KHDRBS2: variants seen among roughly 807,000 people sequenced by gnomAD.
KHDRBS2 encodes the protein KH domain-containing, RNA-binding, signal transduction-associated protein 2.
A neutral mutation model predicts 44.3 loss-of-function variants in KHDRBS2; 26 were observed. The observed-to-expected ratio is 0.59, with a 90% CI of 0.43 to 0.81. The LOEUF (loss-of-function observed/expected upper bound fraction) is 0.81, where lower values mean the gene tolerates loss of function less well. KHDRBS2 is among the 40% of genes least tolerant of loss of function. KHDRBS2 has a pLI of 0.00. For missense variants in KHDRBS2, 476 were observed against 433.1 expected (o/e 1.10, Z -0.88); for synonymous variants, 194 against 151.1 (o/e 1.28, Z -2.08).
intron 1 of KHDRBS2, among the ~76,000 whole-genome samples, chr6:62,197,694 C>G (rs919172398): frequency 1.3e-5 from 2 of 152,104 alleles, no homozygotes; most frequent in African/African-American, 4.8e-5. Flanking sequence ...AGAAAGTTAA[C>G]AAGGATATCC....
chr6:62,080,459 T>C (rs899975493), intron 2 of KHDRBS2, among the ~76,000 whole-genome samples: 1 of 152,120 alleles, frequency 6.6e-6, no homozygotes, highest in African/African-American at 2.4e-5. Context: ...TGGGGATTGA[T>C]TTAGAGATAA....
At chr6:62,102,784 C>T (rs936327559) in intron 2 of KHDRBS2, among the ~76,000 whole-genome samples, 8 of 152,250 alleles carry the variant, frequency 5.3e-5, no homozygotes, top group African/African-American at 1.4e-4. Context: ...CTCCTGCAAT[C>T]TGGGAGTGTG....
intron 2 of KHDRBS2, among the ~76,000 whole-genome samples, chr6:62,078,253 A>T (rs1427976535): frequency 6.6e-6 from 1 of 152,056 alleles, no homozygotes; most frequent in African/African-American, 2.4e-5. Context: ...GGATCTTATG[A>T]TCAATATCAT....
the KHDRBS2 span, among the ~76,000 whole-genome samples, chr6:61,638,556 G>A: frequency 2.6e-4 from 40 of 151,982 alleles, no homozygotes; most frequent in African/African-American, 8.0e-4. Context: ...TAAAAACCCT[G>A]GAAGAAAACC....
intron 6 of KHDRBS2, among the ~76,000 whole-genome samples, chr6:61,737,822 T>C (rs1387067341): frequency 1.3e-5 from 2 of 151,984 alleles, no homozygotes; most frequent in Non-Finnish European, 2.9e-5. Context: ...ATGGAATGTT[T>C]TACATAATAC....
At chr6:61,898,049 TATC>T (rs1231952266) in intron 5 of KHDRBS2, among the ~76,000 whole-genome samples, 18 of 152,246 alleles carry the variant, frequency 1.2e-4, no homozygotes, top group Admixed American at 7.9e-4. Context: ...AAATTAGAGT[TATC>T]ATAGATAGGA....
At chr6:61,999,687 G>A (rs186113667) in intron 3 of KHDRBS2, among the ~76,000 whole-genome samples, 84 of 152,090 alleles carry the variant, frequency 5.5e-4, no homozygotes, top group African/African-American at 2.0e-3. Context: ...TATTAGACCA[G>A]GTGAGTTTTG....
chr6:62,096,683 T>C (rs1562847935), intron 2 of KHDRBS2, among the ~76,000 whole-genome samples: 1 of 152,026 alleles, frequency 6.6e-6, no homozygotes, highest in East Asian at 1.9e-4. Context: ...TTAATTGATT[T>C]TTTTGTATAG....
chr6:62,106,866 G>T (rs1366262605), intron 2 of KHDRBS2, among the ~76,000 whole-genome samples: 1 of 151,852 alleles, frequency 6.6e-6, no homozygotes, highest in Non-Finnish European at 1.5e-5. Flanking sequence ...AATAGATGCA[G>T]AAAAGGCCTT....
In KHDRBS2 at chr6:62,178,034, G is replaced by A. The variant is rs1821492502; in HGVS notation, c.92-722C>T. ...GAAATACAACAGAAAACAATAAAAT[G>A]TCTCTGTTTTTATAGACTCTATATT... On this transcript the variant is annotated intron_variant, in intron 1 of 8. Coordinates refer to ENST00000281156, the MANE Select transcript of KHDRBS2 (RefSeq NM_152688.4). Among the ~76,000 whole-genome samples, 3 of 151,348 alleles carry A rather than the reference G, an allele frequency of 2.0e-5. No individual in the cohort carries two copies. In the South Asian group the frequency reaches 6.2e-4, roughly 31 times the overall value.
the KHDRBS2 span, among the ~76,000 whole-genome samples, chr6:61,640,264 A>G: frequency 6.6e-6 from 1 of 152,260 alleles, no homozygotes; most frequent in Admixed American, 6.5e-5. Context: ...GGTATACATT[A>G]TACTATACCT....
At chr6:61,688,974 T>C (rs1170309391) in intron 8 of KHDRBS2, among the ~76,000 whole-genome samples, 1 of 151,872 alleles carries the variant, frequency 6.6e-6, no homozygotes, top group African/African-American at 2.4e-5. Flanking sequence ...AGACTAACCA[T>C]AATATTAGAG....
chr6:61,813,804 G>C, intron 6 of KHDRBS2: 1 of 398,780 alleles, frequency 2.5e-6, no homozygotes, highest in Non-Finnish European at 5.0e-6. Flanking sequence ...CTAGATAGTG[G>C]TTAATTATAA....
intron 4 of KHDRBS2, among the ~76,000 whole-genome samples, chr6:61,941,209 G>A (rs1431360562): frequency 6.6e-6 from 1 of 152,258 alleles, no homozygotes; most frequent in South Asian, 2.1e-4. Context: ...CTGAGGTTGG[G>A]CATACACACC....
intron 2 of KHDRBS2, among the ~76,000 whole-genome samples, chr6:62,075,501 T>C (rs9346035): frequency 0.59 from 89,313 of 151,748 alleles, 26,609 homozygotes; most frequent in Non-Finnish European, 0.62. Context: ...TTATACGCAC[T>C]TTAATGGCTT....
chr6:62,136,345 C>A (rs564085938), intron 2 of KHDRBS2, among the ~76,000 whole-genome samples: 1 of 152,252 alleles, frequency 6.6e-6, no homozygotes, highest in South Asian at 2.1e-4. Flanking sequence ...GGAACTAAGG[C>A]AGGTGAAGAA....
chr6:61,595,145 T>C, the KHDRBS2 span, among the ~76,000 whole-genome samples: 1 of 152,200 alleles, frequency 6.6e-6, no homozygotes, highest in African/African-American at 2.4e-5. Context: ...AATCAAACTC[T>C]AGTTTTTCAT....
rs146709313 is a variant in KHDRBS2 at position 62,267,914 on chromosome 6, T to C, written c.91+17944A>G. 7.2e-5 allele frequency among the ~76,000 whole-genome samples: 11 copies of C among 152,194 alleles called. No individual in the cohort carries two copies. The East Asian group carries it at 1.7e-3, about 24-fold the overall frequency. The stretch of plus-strand genomic sequence containing the variant: ...TAAATTATTGTTCAATACTATGAAA[T>C]TGTAAAAACATAAGACGAAATCGAT... On this transcript the variant is annotated intron_variant, in intron 1 of 8. Coordinates refer to ENST00000281156, the MANE Select transcript of KHDRBS2 (RefSeq NM_152688.4).
At chr6:61,691,567 AAATT>A (rs1376291930) in intron 8 of KHDRBS2, among the ~76,000 whole-genome samples, 1 of 152,082 alleles carries the variant, frequency 6.6e-6, no homozygotes, top group Non-Finnish European at 1.5e-5. Flanking sequence ...CAGAAAAAAT[AAATT>A]ATTTGCATAT....
Sources: allele counts gnomAD v4.1 joint callset (sites outside exome capture counted in the v4.1 genomes callset), GRCh38; gene constraint gnomAD v4.1.1; transcripts MANE v1.5; gene names NCBI Gene and HGNC (gene_info 2026-07-23, HGNC 2026-07-21).